Variants in DACH2 observed in about 807,000 individuals in gnomAD.
DACH2 encodes dachshund homolog 2.
In DACH2, 17 loss-of-function variants were observed where a neutral mutation model predicts 35.8. The observed-to-expected ratio is 0.48, with a 90% CI of 0.33 to 0.71. The LOEUF (loss-of-function observed/expected upper bound fraction) is 0.71, where lower values mean the gene tolerates loss of function less well. Ranked by LOEUF, DACH2 falls within the 30% of genes least tolerant of loss-of-function variation. The pLI, the probability that DACH2 is intolerant of heterozygous loss-of-function variation, is 0.02. For missense variants in DACH2, 469 were observed against 472.7 expected (o/e 0.99, Z 0.07); for synonymous variants, 195 against 177.3 (o/e 1.10, Z -0.79).
At chrX:86,556,161 G>T (rs763941966) in intron 3 of DACH2, among the ~76,000 whole-genome samples, 4 of 111,106 alleles carry the variant, frequency 3.6e-5, no homozygotes, top group African/African-American at 6.5e-5. Flanking sequence ...AGAAGTACTA[G>T]AAAGCTTGCA....
At chrX:86,683,717 AAAAACTT>A (rs2040908965) in intron 4 of DACH2, among the ~76,000 whole-genome samples, 1 of 111,713 alleles carries the variant, frequency 9.0e-6, no homozygotes, top group South Asian at 3.7e-4. Flanking sequence ...TATATTCTAA[AAAAACTT>A]AAATGATAAC....
intron 3 of DACH2, among the ~76,000 whole-genome samples, chrX:86,575,350 G>T (rs757574231): frequency 2.9e-4 from 32 of 109,566 alleles, no homozygotes; most frequent in Non-Finnish European, 5.5e-4. Context: ...ATGCAATGGT[G>T]GGGGGGGAAG....
chrX:86,654,702 C>T (rs1409373290), intron 4 of DACH2, among the ~76,000 whole-genome samples: 2 of 111,315 alleles, frequency 1.8e-5, no homozygotes, highest in African/African-American at 6.5e-5. Flanking sequence ...CATAATAACT[C>T]ATTTAATTTT....
chrX:86,263,554 G>C (rs1041364279), intron 1 of DACH2, among the ~76,000 whole-genome samples: 1 of 111,288 alleles, frequency 9.0e-6, no homozygotes, highest in African/African-American at 3.3e-5. Context: ...TGAATATTAA[G>C]GTTTTTCTTT....
chrX:86,258,618 T>C (rs2033569502), intron 1 of DACH2, among the ~76,000 whole-genome samples: 1 of 111,875 alleles, frequency 8.9e-6, no homozygotes, highest in African/African-American at 3.2e-5. Context: ...ACGTTAGAAA[T>C]ATAGAAGCTA....
At chrX:86,773,858 G>T (rs1213436630) in intron 7 of DACH2, among the ~76,000 whole-genome samples, 1 of 111,717 alleles carries the variant, frequency 9.0e-6, no homozygotes, top group Non-Finnish European at 1.9e-5. Context: ...TTAACTTTGT[G>T]ATTCATTCCT....
intron 1 of DACH2, among the ~76,000 whole-genome samples, chrX:86,248,941 A>G (rs1332530010): frequency 1.8e-5 from 2 of 111,393 alleles, no homozygotes; most frequent in African/African-American, 6.5e-5. Context: ...CAACAACAAA[A>G]AAAGCAATGG....
chrX:86,190,154 A>G (rs1396043439), intron 1 of DACH2, among the ~76,000 whole-genome samples: 1 of 106,553 alleles, frequency 9.4e-6, no homozygotes, highest in Non-Finnish European at 1.9e-5. Flanking sequence ...ATAGAGTGAG[A>G]CTCCATCTAA....
intron 7 of DACH2, among the ~76,000 whole-genome samples, chrX:86,763,264 T>C (rs1288729769): frequency 8.9e-6 from 1 of 111,892 alleles, no homozygotes; most frequent in Non-Finnish European, 1.9e-5. Context: ...GTTCAAAAAA[T>C]AGAATGCTAT....
intron 2 of DACH2, among the ~76,000 whole-genome samples, chrX:86,465,994 A>AATAAAAGT (rs1488653047): frequency 9.0e-6 from 1 of 111,542 alleles, no homozygotes. Flanking sequence ...TTTTTTGGAT[A>AATAAAAGT]ATAAAAGTGG....
intron 3 of DACH2, among the ~76,000 whole-genome samples, chrX:86,627,232 G>T (rs776805751): frequency 9.0e-6 from 1 of 111,702 alleles, no homozygotes; most frequent in Non-Finnish European, 1.9e-5. Context: ...CCACAGATCT[G>T]TAGGGCAGTG....
At chrX:86,263,565 T>C (rs1238497192) in intron 1 of DACH2, among the ~76,000 whole-genome samples, 1 of 111,834 alleles carries the variant, frequency 8.9e-6, no homozygotes, top group Non-Finnish European at 1.9e-5. Context: ...GTTTTTCTTT[T>C]TAAAGAAAAA....
intron 4 of DACH2, among the ~76,000 whole-genome samples, chrX:86,667,614 A>AAGAAAGAAAGAAAGAAAGGC (rs1556364404): frequency 3.1e-5 from 3 of 96,988 alleles, no homozygotes; most frequent in East Asian, 7.5e-4. Flanking sequence ...GAAAGAAAGA[A>AAGAAAGAAAGAAAGAAAGGC]AGGCAGGCAG....
chrX:86,470,962 T>C (rs909556860), intron 2 of DACH2, among the ~76,000 whole-genome samples: 3 of 111,185 alleles, frequency 2.7e-5, no homozygotes, highest in Non-Finnish European at 5.7e-5. Context: ...CCCGAAAATA[T>C]CATTATTATT....
intron 3 of DACH2, among the ~76,000 whole-genome samples, chrX:86,532,608 C>A (rs902844606): frequency 6.3e-5 from 7 of 110,811 alleles, no homozygotes; most frequent in Admixed American, 9.6e-5. Flanking sequence ...AGCTGTGATT[C>A]AATTAAACCC....
At chrX:86,546,559 G>A (rs2038977725) in intron 3 of DACH2, among the ~76,000 whole-genome samples, 1 of 92,325 alleles carries the variant, frequency 1.1e-5, no homozygotes, top group South Asian at 5.4e-4. Flanking sequence ...CTGTCACCCA[G>A]GCCGTAGTGC....
intron 2 of DACH2, among the ~76,000 whole-genome samples, chrX:86,390,225 A>G (rs1251628462): frequency 8.9e-6 from 1 of 112,349 alleles, no homozygotes; most frequent in African/African-American, 3.2e-5. Flanking sequence ...ATTCCCATGT[A>G]AGCACATTCA....
chrX:86,360,099 A>G (rs1414653060), intron 1 of DACH2, among the ~76,000 whole-genome samples: 3 of 110,014 alleles, frequency 2.7e-5, no homozygotes, highest in Non-Finnish European at 5.7e-5. Context: ...GGCCTGGACT[A>G]CTCTGTTTAT....
At chrX:86,280,587 A>G (rs1460442923) in intron 1 of DACH2, among the ~76,000 whole-genome samples, 1 of 112,238 alleles carries the variant, frequency 8.9e-6, no homozygotes, top group Non-Finnish European at 1.9e-5. Context: ...ACAGGATCAA[A>G]TTCACACATT....
Sources: gnomAD v4.1 joint callset for allele counts (sites outside exome capture counted in the v4.1 genomes callset) on GRCh38, gnomAD v4.1.1 for gene constraint, MANE v1.5 for transcripts, NCBI Gene and HGNC (gene_info 2026-07-23, HGNC 2026-07-21) for gene names.